TARBP1: variants seen among roughly 807,000 people sequenced by gnomAD.
TARBP1 encodes tRNA (guanosine(18)-2'-O)-methyltransferase TARBP1.
TARBP1 carries 144 observed loss-of-function variants against 178.6 expected under a neutral mutation model. The observed-to-expected ratio is 0.81, with a 90% CI of 0.70 to 0.93. The LOEUF (loss-of-function observed/expected upper bound fraction) is 0.93. TARBP1 is among the 40% of genes least tolerant of loss of function. The pLI is 0.00. For missense variants in TARBP1, 2,067 were observed against 2,011.7 expected (o/e 1.03, Z -0.53); for synonymous variants, 787 against 781.0 (o/e 1.01, Z -0.13).
In TARBP1 at chr1:234,446,890, T is replaced by G. The variant is rs1469665989; in HGVS notation, c.2047A>C (p.Met683Leu). The part of the protein sequence containing the change: ...VLMKFSTNAY[M>L]PLLKTDRCLQ... The stretch of plus-strand genomic sequence containing the variant: ...CATCTGTCAGTCTTCAGCAAGGGCA[T>G]GTAGGCATTGGTACTAAACTTCATA... Residue 683 changes from methionine (M) to leucine (L), a missense_variant, in exon 12 of 30, where the codon ATG becomes CTG. Physicochemically the swap from Met to Leu is conservative, Grantham distance 15. Transcript: ENST00000040877. 3 of 1,614,062 alleles carry G rather than the reference T, an allele frequency of 1.9e-6. No homozygotes were observed. Among genetic ancestry groups the G allele is most frequent in the Non-Finnish European group, 2.5e-6 (3 of 1,179,984 alleles).
At position 234,459,332 on chromosome 1, in the gene TARBP1, A is replaced by G; in HGVS notation, c.1536-6T>C. 1 of 1,595,592 alleles carries G rather than the reference A, an allele frequency of 6.3e-7. No individual in the cohort carries two copies. The highest frequency in any genetic ancestry group is 8.5e-7 in the Non-Finnish European group (1 of 1,173,042). On this transcript the variant is annotated splice_region_variant and splice_polypyrimidine_tract_variant and intron_variant, in intron 7 of 29. Coordinates refer to ENST00000040877, the MANE Select transcript of TARBP1 (RefSeq NM_005646.4). ...TAGTGCAATGAATAACATCCCTGAC[A>G]TCGAAACACAAAAAATGCAGTTCCG...
chr1:234,472,212 C>T (rs994318532), intron 2 of TARBP1, among the ~76,000 whole-genome samples: 1 of 151,612 alleles, frequency 6.6e-6, no homozygotes, highest in African/African-American at 2.4e-5. Context: ...GGCTGTAGTC[C>T]CAGCTACTTG....
intron 26 of TARBP1, 94 bp downstream of exon 26, chr1:234,398,288 A>T: frequency 3.8e-6 from 4 of 1,053,158 alleles, no homozygotes; most frequent in Non-Finnish European, 5.2e-6. Context: ...AATGAAAGTG[A>T]TATTATTATT....
intron 22 of TARBP1, among the ~76,000 whole-genome samples, chr1:234,417,130 G>A (rs541138560): frequency 1.3e-5 from 2 of 152,354 alleles, no homozygotes; most frequent in South Asian, 4.1e-4. Flanking sequence ...GAGAAAGGCT[G>A]TCTGCAGCTC....
At chr1:234,423,818 G>A (rs1381293252) in intron 20 of TARBP1, among the ~76,000 whole-genome samples, 2 of 147,134 alleles carry the variant, frequency 1.4e-5, no homozygotes, top group Non-Finnish European at 3.0e-5. Flanking sequence ...TCTAACTACT[G>A]ACCTCAAGCA....
At chr1:234,412,233 C>G (rs988841051) in intron 22 of TARBP1, among the ~76,000 whole-genome samples, 4 of 152,022 alleles carry the variant, frequency 2.6e-5, no homozygotes, top group Non-Finnish European at 5.9e-5. Context: ...ATCAGCCTGG[C>G]CAATATGGTA....
At chr1:234,413,562 G>T (rs1250118664) in intron 22 of TARBP1, among the ~76,000 whole-genome samples, 1 of 152,206 alleles carries the variant, frequency 6.6e-6, no homozygotes, top group African/African-American at 2.4e-5. Flanking sequence ...CCTAGGTAGT[G>T]AATTGAGAAT....
At chr1:234,473,468 G>C (rs1364338521) in intron 1 of TARBP1, among the ~76,000 whole-genome samples, 2 of 152,230 alleles carry the variant, frequency 1.3e-5, no homozygotes, top group Non-Finnish European at 2.9e-5. Flanking sequence ...GCAGACATTA[G>C]TCCTACTGAC....
intron 29 of TARBP1, among the ~76,000 whole-genome samples, chr1:234,392,120 C>G (rs1651579348): frequency 6.6e-6 from 1 of 152,212 alleles, no homozygotes; most frequent in African/African-American, 2.4e-5. Flanking sequence ...GTAATCCCAC[C>G]ATGGAGGCCA....
intron 9 of TARBP1, among the ~76,000 whole-genome samples, chr1:234,456,252 G>C (rs1667258326): frequency 6.6e-6 from 1 of 152,228 alleles, no homozygotes; most frequent in Non-Finnish European, 1.5e-5. Flanking sequence ...GCACGCTGGA[G>C]TGCAGTGGCA....
chr1:234,412,458 T>C (rs1184304253), intron 22 of TARBP1, among the ~76,000 whole-genome samples: 1 of 150,324 alleles, frequency 6.7e-6, no homozygotes, highest in Non-Finnish European at 1.5e-5. Context: ...CCAGGTGCAG[T>C]GGCTCATGAC....
chr1:234,431,087 G>C (rs1006941617), intron 14 of TARBP1, among the ~76,000 whole-genome samples: 2 of 152,192 alleles, frequency 1.3e-5, no homozygotes, highest in Non-Finnish European at 2.9e-5. Flanking sequence ...CAGGCAAGAA[G>C]TCAGACACAG....
chr1:234,477,300 C>G (rs1669656484), intron 1 of TARBP1, among the ~76,000 whole-genome samples: 1 of 152,212 alleles, frequency 6.6e-6, no homozygotes, highest in Non-Finnish European at 1.5e-5. Flanking sequence ...GGGATGATCA[C>G]ACCTATCTGT....
At chr1:234,435,610 T>C (rs1245635029) in intron 13 of TARBP1, among the ~76,000 whole-genome samples, 1 of 152,084 alleles carries the variant, frequency 6.6e-6, no homozygotes, top group African/African-American at 2.4e-5. Context: ...CTTAAGAAAA[T>C]AGAGACGGAT....
At chr1:234,412,729 C>T (rs982398064) in intron 22 of TARBP1, among the ~76,000 whole-genome samples, 5 of 152,074 alleles carry the variant, frequency 3.3e-5, no homozygotes, top group Non-Finnish European at 5.9e-5. Flanking sequence ...GAAAGAAGAC[C>T]ATTTTGTGTA....
intron 10 of TARBP1, 36 bp downstream of exon 10, chr1:234,450,392 G>A: frequency 6.6e-7 from 1 of 1,516,380 alleles, no homozygotes; most frequent in East Asian, 2.5e-5. Context: ...AAAATATTTT[G>A]GTTATATCAA....
At chr1:234,460,774 A>G (rs769778918) in intron 6 of TARBP1, among the ~76,000 whole-genome samples, 6 of 152,254 alleles carry the variant, frequency 3.9e-5, no homozygotes, top group Non-Finnish European at 7.3e-5. Context: ...CAAATAGTCA[A>G]AAGTGAAAAC....
At chr1:234,455,790 G>A (rs1257744589) in intron 9 of TARBP1, among the ~76,000 whole-genome samples, 1 of 151,650 alleles carries the variant, frequency 6.6e-6, no homozygotes, top group African/African-American at 2.4e-5. Context: ...TTTGCAGTAG[G>A]TATAACAACT....
Position 234,391,537 on chromosome 1 carries a change from A to G in TARBP1, c.*40T>C, listed in dbSNP as rs751879736. On this transcript the variant is annotated 3_prime_UTR_variant, in exon 30 of 30. Transcript: ENST00000040877. ...TTTAGTCCAAATAGTTTTTTTTAAA[A>G]AAGTCTGAACAGCAGCAGCAGTTCA... 31 of 1,531,346 alleles carry G rather than the reference A, an allele frequency of 2.0e-5. No individual in the cohort carries two copies. Among genetic ancestry groups the G allele is most frequent in the Non-Finnish European group, 2.7e-5 (31 of 1,139,044 alleles). 94.9% of individuals were successfully genotyped at this position (1,531,346 alleles called of 1,614,324 possible). A position where few individuals can be genotyped will look rare whatever the true frequency, so the allele number is the denominator to read the frequency against.
Sources: gnomAD v4.1 joint callset for allele counts (sites outside exome capture counted in the v4.1 genomes callset) on GRCh38, gnomAD v4.1.1 for gene constraint, MANE v1.5 for transcripts, NCBI Gene and HGNC (gene_info 2026-07-23, HGNC 2026-07-21) for gene names.